The following MGAT4C variants were observed in gnomAD, a reference collection of about 807,000 sequenced individuals.
The protein encoded by MGAT4C is MGAT4 family member C, also known as alpha-1,3-mannosyl-glycoprotein 4-beta-N-acetylglucosaminyltransferase C.
Under a neutral mutation model 40.1 loss-of-function variants are expected in MGAT4C, and 19 were observed. The ratio of observed to expected loss-of-function variants is 0.47; its 90% CI spans 0.33 to 0.70. The LOEUF (loss-of-function observed/expected upper bound fraction) is 0.70. Ranked by LOEUF, MGAT4C falls within the 30% of genes least tolerant of loss-of-function variation. MGAT4C has a pLI of 0.02. For missense variants in MGAT4C, 491 were observed against 563.2 expected (o/e 0.87, Z 1.30); for synonymous variants, 181 against 187.1 (o/e 0.97, Z 0.27).
chr12:86,284,324 C>G (rs1362697874), intron 4 of MGAT4C, among the ~76,000 whole-genome samples: 1 of 151,656 alleles, frequency 6.6e-6, no homozygotes, highest in Admixed American at 6.6e-5. Flanking sequence ...TCCTCTATCT[C>G]TTTACTTTGA....
intron 1 of MGAT4C, among the ~76,000 whole-genome samples, chr12:86,066,196 T>C (rs1894526189): frequency 6.6e-6 from 1 of 152,090 alleles, no homozygotes; most frequent in African/African-American, 2.4e-5. Context: ...CTTCACAGAA[T>C]CAGACAAAAC....
At position 86,683,104 on chromosome 12, in the gene MGAT4C, C is replaced by G. The variant is rs149114876; in HGVS notation, c.-229+44105G>C. Among the ~76,000 whole-genome samples, 15 of 152,198 alleles carry G rather than the reference C, an allele frequency of 9.9e-5. No homozygotes were observed. The East Asian group carries it at 2.1e-3, about 22-fold the overall frequency. ...GACTCTGGCACTGCTAGCTTTGTGA[C>G]TTAGGAGAAACATATGATATCCCTG... On this transcript the variant is annotated intron_variant, in intron 2 of 7. Transcript: ENST00000548651.
chr12:86,400,087 C>T (rs1482046910), intron 3 of MGAT4C, among the ~76,000 whole-genome samples: 1 of 152,134 alleles, frequency 6.6e-6, no homozygotes, highest in African/African-American at 2.4e-5. Context: ...TAGATAGTGT[C>T]AGAATGAACT....
rs541004514 is a variant in MGAT4C at position 86,149,906 on chromosome 12, A to C, written c.-56-100183T>G. ...GATAAAATGGTAAATTAAAAACTCA[A>C]ATTTCTTTCTTGAATTATCCTAGTT... On this transcript the variant is annotated intron_variant, in intron 1 of 4. Transcript: ENST00000611864. Among the ~76,000 whole-genome samples, 10 of 152,318 alleles carry C rather than the reference A, an allele frequency of 6.6e-5. No individual in the cohort carries two copies. In the South Asian group the frequency reaches 2.1e-3, roughly 32 times the overall value.
chr12:86,274,259 G>A (rs1953016907), intron 4 of MGAT4C, among the ~76,000 whole-genome samples: 1 of 152,086 alleles, frequency 6.6e-6, no homozygotes, highest in Non-Finnish European at 1.5e-5. Context: ...TTCCTACCAG[G>A]TTCCACTTCC....
chr12:86,408,105 C>T (rs1956511455), intron 3 of MGAT4C, among the ~76,000 whole-genome samples: 1 of 151,960 alleles, frequency 6.6e-6, no homozygotes, highest in African/African-American at 2.4e-5. Flanking sequence ...CATACACGCA[C>T]ACACACACAA....
intron 4 of MGAT4C, among the ~76,000 whole-genome samples, chr12:86,266,441 A>G (rs913559027): frequency 3.3e-5 from 5 of 152,184 alleles, no homozygotes; most frequent in Admixed American, 6.5e-5. Context: ...TATCATATTT[A>G]CTGGTCAGCA....
intron 2 of MGAT4C, among the ~76,000 whole-genome samples, chr12:86,529,080 A>C (rs1261063281): frequency 6.6e-6 from 1 of 152,090 alleles, no homozygotes; most frequent in Non-Finnish European, 1.5e-5. Flanking sequence ...CAACAACAAC[A>C]AAAATGGGAA....
At chr12:86,570,946 TG>T (rs1325060931) in intron 2 of MGAT4C, among the ~76,000 whole-genome samples, 1 of 152,054 alleles carries the variant, frequency 6.6e-6, no homozygotes, top group Non-Finnish European at 1.5e-5. Context: ...CCCAAGTACC[TG>T]GAATTACAGG....
intron 4 of MGAT4C, among the ~76,000 whole-genome samples, chr12:86,269,772 A>G (rs1592624560): frequency 1.3e-5 from 2 of 152,162 alleles, no homozygotes; most frequent in East Asian, 3.9e-4. Flanking sequence ...AATGGAGGAA[A>G]GAATGCATAA....
intron 2 of MGAT4C, among the ~76,000 whole-genome samples, chr12:86,653,478 G>A (rs1963753327): frequency 6.6e-6 from 1 of 151,896 alleles, no homozygotes; most frequent in African/African-American, 2.4e-5. Context: ...TATTGCTATA[G>A]TAGGGCTTTA....
At chr12:86,752,559 T>C (rs964614366) in intron 1 of MGAT4C, among the ~76,000 whole-genome samples, 1 of 152,072 alleles carries the variant, frequency 6.6e-6, no homozygotes, top group Non-Finnish European at 1.5e-5. Flanking sequence ...TTGGAACACA[T>C]GAATGAATTT....
chr12:86,356,308 G>A (rs925370934), intron 3 of MGAT4C, among the ~76,000 whole-genome samples: 11 of 152,156 alleles, frequency 7.2e-5, no homozygotes, highest in Admixed American at 2.0e-4. Flanking sequence ...TAATCTAACC[G>A]TATCAATAAT....
At position 86,044,430 on chromosome 12, in the gene MGAT4C, C is replaced by T. The variant is rs1236372008; in HGVS notation, c.-7+5244G>A. On this transcript the variant is annotated intron_variant, in intron 2 of 4. Coordinates refer to ENST00000611864, the MANE Select transcript of MGAT4C (RefSeq NM_001351288.2). ...GGGATGCTGGTGGGTTTGCGGCTGCCAGCTTCTGTGCACATGTTTGCTCTG... is the reference window on the plus strand; with the variant it reads ...GGGATGCTGGTGGGTTTGCGGCTGCTAGCTTCTGTGCACATGTTTGCTCTG... Among the ~76,000 whole-genome samples the T allele has an allele frequency of 2.0e-5, 3 of 152,258 alleles. No individual in the cohort carries two copies. In the East Asian group the frequency reaches 5.8e-4, roughly 29 times the overall value.
At chr12:86,263,512 A>G (rs1592612708) in intron 4 of MGAT4C, among the ~76,000 whole-genome samples, 1 of 152,022 alleles carries the variant, frequency 6.6e-6, no homozygotes, top group South Asian at 2.1e-4. Context: ...ATAATTTCAT[A>G]TTTTTTTGGC....
intron 1 of MGAT4C, among the ~76,000 whole-genome samples, chr12:86,833,859 C>T (rs1952980530): frequency 6.6e-6 from 1 of 151,588 alleles, no homozygotes; most frequent in Non-Finnish European, 1.5e-5. Context: ...TTTCCTAGTG[C>T]CTCCTTTACT....
At chr12:86,745,659 C>A (rs1264451833) in intron 1 of MGAT4C, among the ~76,000 whole-genome samples, 1 of 151,598 alleles carries the variant, frequency 6.6e-6, no homozygotes, top group Non-Finnish European at 1.5e-5. Context: ...ACTCAATGCC[C>A]ATAATAATCA....
intron 2 of MGAT4C, among the ~76,000 whole-genome samples, chr12:86,685,758 G>A (rs952131323): frequency 3.0e-4 from 45 of 152,228 alleles, no homozygotes; most frequent in African/African-American, 1.1e-3. Context: ...CCGCTTGTAA[G>A]TTGTATTCTT....
At chr12:86,551,884 C>T (rs1959380685) in intron 2 of MGAT4C, among the ~76,000 whole-genome samples, 1 of 151,956 alleles carries the variant, frequency 6.6e-6, no homozygotes, top group Non-Finnish European at 1.5e-5. Flanking sequence ...CCAACTAGAA[C>T]CAAAGCCAGT....
Sources: allele counts gnomAD v4.1 joint callset (sites outside exome capture counted in the v4.1 genomes callset), GRCh38; gene constraint gnomAD v4.1.1; transcripts MANE v1.5; gene names NCBI Gene and HGNC (gene_info 2026-07-23, HGNC 2026-07-21).